The following RIMS1 variants were observed in gnomAD, a reference collection of about 807,000 sequenced individuals.
RIMS1 encodes regulating synaptic membrane exocytosis protein 1.
RIMS1 carries 83 observed loss-of-function variants against 214.1 expected under a neutral mutation model. The observed-to-expected ratio is 0.39, with a 90% confidence interval of 0.32 to 0.47. The LOEUF (loss-of-function observed/expected upper bound fraction) is 0.47, where lower values mean the gene tolerates loss of function less well. RIMS1 is among the 20% of genes least tolerant of loss of function. The pLI is 0.99. For missense variants in RIMS1, 2,050 were observed against 2,161.8 expected (o/e 0.95, Z 1.03); for synonymous variants, 793 against 786.8 (o/e 1.01, Z -0.13).
chr6:72,330,126 GA>G (rs1218879228), intron 28 of RIMS1, among the ~76,000 whole-genome samples: 1 of 151,774 alleles, frequency 6.6e-6, no homozygotes, highest in East Asian at 1.9e-4. Context: ...CACAAGTTTG[GA>G]AAATCCATTA....
intron 2 of RIMS1, among the ~76,000 whole-genome samples, chr6:72,035,734 T>G (rs1819450680): frequency 6.6e-6 from 1 of 152,056 alleles, no homozygotes; most frequent in Non-Finnish European, 1.5e-5. Flanking sequence ...AGAGAAAGAG[T>G]AGCTTTCCAC....
intron 2 of RIMS1, among the ~76,000 whole-genome samples, chr6:72,038,807 T>C (rs913366135): frequency 6.6e-6 from 1 of 152,136 alleles, no homozygotes; most frequent in Non-Finnish European, 1.5e-5. Flanking sequence ...GGGAATGAAG[T>C]ATCCAAGGCT....
chr6:72,210,496 A>G (rs1321987391), intron 6 of RIMS1, among the ~76,000 whole-genome samples: 1 of 152,176 alleles, frequency 6.6e-6, no homozygotes, highest in African/African-American at 2.4e-5. Flanking sequence ...GTGTTGTGAG[A>G]TCAAGACATG....
rs184772429 is a variant in RIMS1 at position 72,195,682 on chromosome 6, C to T, written c.1678+12533C>T. Reference sequence around the variant, plus strand: ...CTTAAACTAAACGTACTGGGAGTATCCTCTTTGGGCTTCAGCAGTATAATG... The same window carrying T: ...CTTAAACTAAACGTACTGGGAGTATTCTCTTTGGGCTTCAGCAGTATAATG... On this transcript the variant is annotated intron_variant, in intron 6 of 33. Transcript: ENST00000521978. Among the ~76,000 whole-genome samples, 376 of 152,102 alleles carry T rather than the reference C, an allele frequency of 2.5e-3. 1 individual carries two copies. Among genetic ancestry groups the T allele is most frequent in the Middle Eastern group, 0.02 (6 of 294 alleles).
intron 29 of RIMS1, among the ~76,000 whole-genome samples, chr6:72,367,562 G>A (rs2098078566): frequency 6.6e-6 from 1 of 152,142 alleles, no homozygotes; most frequent in Admixed American, 6.5e-5. Flanking sequence ...GTGGGTAGAA[G>A]TATAACCTCA....
chr6:72,201,219 G>A (rs1180937429), intron 6 of RIMS1, among the ~76,000 whole-genome samples: 1 of 151,770 alleles, frequency 6.6e-6, no homozygotes, highest in African/African-American at 2.4e-5. Flanking sequence ...TTAACATCAG[G>A]GCTACATTTT....
chr6:72,289,709 G>A (rs530607054), intron 24 of RIMS1, among the ~76,000 whole-genome samples: 1 of 152,148 alleles, frequency 6.6e-6, no homozygotes, highest in Admixed American at 6.5e-5. Flanking sequence ...ACTCCTTTAT[G>A]TGCTTTTGGT....
intron 29 of RIMS1, among the ~76,000 whole-genome samples, chr6:72,376,523 G>A (rs1432743901): frequency 6.6e-6 from 1 of 152,228 alleles, no homozygotes; most frequent in Middle Eastern, 3.4e-3. Flanking sequence ...GGAGGCCGAG[G>A]CAGGCAGATA....
At chr6:72,123,605 C>T (rs550600612) in intron 4 of RIMS1, among the ~76,000 whole-genome samples, 1 of 151,914 alleles carries the variant, frequency 6.6e-6, no homozygotes, top group South Asian at 2.1e-4. Context: ...GTGAGGGAGT[C>T]TAAGTCTCTT....
At chr6:72,341,585 T>C (rs2097094967) in intron 29 of RIMS1, among the ~76,000 whole-genome samples, 1 of 151,836 alleles carries the variant, frequency 6.6e-6, no homozygotes, top group African/African-American at 2.4e-5. Flanking sequence ...TGCAGTACTA[T>C]CCCAGGCACA....
intron 8 of RIMS1, among the ~76,000 whole-genome samples, chr6:72,236,082 C>T (rs547313855): frequency 1.3e-5 from 2 of 152,096 alleles, no homozygotes; most frequent in African/African-American, 4.8e-5. Flanking sequence ...ATAGTGCTGT[C>T]TTATTGATTA....
At chr6:72,141,485 G>A (rs1363445639) in intron 4 of RIMS1, among the ~76,000 whole-genome samples, 1 of 151,914 alleles carries the variant, frequency 6.6e-6, no homozygotes, top group African/African-American at 2.4e-5. Flanking sequence ...TGCAATTTGA[G>A]GCAAAGTTCT....
chr6:72,272,518 A>G (rs2083947712), intron 22 of RIMS1, among the ~76,000 whole-genome samples: 1 of 152,186 alleles, frequency 6.6e-6, no homozygotes, highest in Non-Finnish European at 1.5e-5. Context: ...TAAACCAAAT[A>G]TTCGTTTAAA....
rs1238415800 is a variant in RIMS1 at position 72,402,460 on chromosome 6, G to C, written c.*1746G>C. 1.3e-5 allele frequency: 2 copies of C among 152,606 alleles called. No homozygotes were observed. The highest frequency in any genetic ancestry group is 2.9e-5 in the Non-Finnish European group (2 of 68,028). 9.5% of individuals were successfully genotyped at this position (152,606 alleles called of 1,614,324 possible). ...AAATATTTTGGTGTAGATTCCTACTGTGGGGCTGTAACACATGTAGACACT... is the reference window on the plus strand; with the variant it reads ...AAATATTTTGGTGTAGATTCCTACTCTGGGGCTGTAACACATGTAGACACT... On this transcript the variant is annotated 3_prime_UTR_variant, in exon 34 of 34. Transcript: ENST00000521978.
chr6:72,387,908 A>G (rs2098640038), intron 29 of RIMS1, among the ~76,000 whole-genome samples: 1 of 152,210 alleles, frequency 6.6e-6, no homozygotes, highest in Non-Finnish European at 1.5e-5. Context: ...GATGAACCAC[A>G]TAGTCATAAA....
intron 22 of RIMS1, among the ~76,000 whole-genome samples, chr6:72,270,930 T>C (rs1361680877): frequency 6.6e-6 from 1 of 152,112 alleles, no homozygotes; most frequent in Non-Finnish European, 1.5e-5. Flanking sequence ...TACCTAAAAA[T>C]CAATAGTTAT....
chr6:72,399,194 A>T, intron 33 of RIMS1, 100 bp downstream of exon 33: 1 of 1,006,306 alleles, frequency 9.9e-7, no homozygotes, highest in Non-Finnish European at 1.4e-6. Flanking sequence ...TGGTAAAGAT[A>T]AATGTAGGAT....
chr6:72,296,149 GAGA>G lies in RIMS1; in HGVS notation c.3850+4107_3850+4109del, dbSNP rs529122365. On this transcript the variant is annotated intron_variant, in intron 26 of 33. Coordinates refer to ENST00000521978, the MANE Select transcript of RIMS1 (RefSeq NM_014989.7). ...CATATTCTATGTTCACATCAAAGAA[GAGA>G]AGATTACTTTAAAATTAATGTTTTT... 1.7e-3 allele frequency among the ~76,000 whole-genome samples: 265 copies of G among 151,774 alleles called. 4 individuals carry two copies. The highest frequency in any genetic ancestry group is 5.8e-3 in the African/African-American group (239 of 41,516).
intron 10 of RIMS1, among the ~76,000 whole-genome samples, chr6:72,244,347 C>G (rs2154118443): frequency 6.6e-6 from 1 of 151,852 alleles, no homozygotes; most frequent in African/African-American, 2.4e-5. Context: ...GAAAATATTG[C>G]TGAAGCAATT....
Sources: allele counts gnomAD v4.1 joint callset (sites outside exome capture counted in the v4.1 genomes callset), GRCh38; gene constraint gnomAD v4.1.1; transcripts MANE v1.5; gene names NCBI Gene and HGNC (gene_info 2026-07-23, HGNC 2026-07-21).